LCLAT1: variants seen among roughly 807,000 people sequenced by gnomAD.
LCLAT1 encodes lysocardiolipin acyltransferase 1.
In LCLAT1, 11 loss-of-function variants were observed where a neutral mutation model predicts 30.7. That is an observed-to-expected ratio of 0.36 (90% CI 0.23 to 0.59). The LOEUF is 0.59. LCLAT1 is among the 20% of genes least tolerant of loss of function. The probability of loss-of-function intolerance (pLI) is 0.77; values close to 1 mark genes in which losing one functional copy is unlikely to be tolerated. For synonymous variants in LCLAT1, 155 were observed against 151.3 expected (o/e 1.02, Z -0.18); for missense variants, 402 against 458.6 (o/e 0.88, Z 1.13).
chr2:30,611,809 G>A (rs188199838), intron 5 of LCLAT1, among the ~76,000 whole-genome samples: 2 of 152,260 alleles, frequency 1.3e-5, no homozygotes, highest in Admixed American at 1.3e-4. Context: ...GGAGGATGAC[G>A]CAGAACTCAA....
chr2:30,568,183 A>G lies in LCLAT1; in HGVS notation c.628+7A>G. On this transcript the variant is annotated splice_region_variant and intron_variant, in intron 5 of 5. Transcript: ENST00000379509. ...GTAGACCGTCTAAGAGAAGGTAAGC[A>G]CCCATTTCAAAATGTACTTTTTAAT... 6.8e-7 allele frequency: 1 copy of G among 1,472,814 alleles called. No individual in the cohort carries two copies. Among genetic ancestry groups the G allele is most frequent in the Non-Finnish European group, 9.3e-7 (1 of 1,072,692 alleles). The allele number at this position is 1,472,814 out of a possible 1,614,324, so 91.2% of individuals were successfully genotyped here. A position where few individuals can be genotyped will look rare whatever the true frequency, so the allele number is the denominator to read the frequency against.
chr2:30,628,736 G>C (rs1668631599), intron 5 of LCLAT1, among the ~76,000 whole-genome samples: 1 of 152,080 alleles, frequency 6.6e-6, no homozygotes, highest in Admixed American at 6.5e-5. Flanking sequence ...GAGTTGTTTT[G>C]CTTGAAAAAC....
intron 5 of LCLAT1, chr2:30,607,195 C>T (rs1319953542): frequency 6.6e-6 from 1 of 152,064 alleles, no homozygotes; most frequent in African/African-American, 2.4e-5. Flanking sequence ...ACTACCACGC[C>T]CGGCTAATTT....
intron 5 of LCLAT1, among the ~76,000 whole-genome samples, chr2:30,628,784 G>A (rs1440675539): frequency 6.6e-6 from 1 of 152,068 alleles, no homozygotes; most frequent in Non-Finnish European, 1.5e-5. Flanking sequence ...TGGATTATAA[G>A]GCTAAAAGAA....
chr2:30,468,378 G>A (rs1224131744), intron 1 of LCLAT1, among the ~76,000 whole-genome samples: 5 of 152,196 alleles, frequency 3.3e-5, no homozygotes, highest in Non-Finnish European at 5.9e-5. Flanking sequence ...GTCAGGTAGT[G>A]TGATGCCTCC....
At chr2:30,618,252 T>C in intron 5 of LCLAT1, among the ~76,000 whole-genome samples, 1 of 152,162 alleles carries the variant, frequency 6.6e-6, no homozygotes, top group South Asian at 2.1e-4. Context: ...TTCTAGTTCC[T>C]TTGCACATCT....
chr2:30,481,459 T>C (rs1683316874), intron 1 of LCLAT1, among the ~76,000 whole-genome samples: 1 of 143,360 alleles, frequency 7.0e-6, no homozygotes, highest in African/African-American at 2.5e-5. Flanking sequence ...AGAGGTCTGG[T>C]AGAGGAGGGG....
chr2:30,496,049 T>C lies in LCLAT1; in HGVS notation c.-4-29538T>C, dbSNP rs151318694. On this transcript the variant is annotated intron_variant, in intron 1 of 5. Coordinates refer to ENST00000379509, the MANE Select transcript of LCLAT1 (RefSeq NM_001002257.3). ...TGGGGAGGCCTCAGGAAACTTATAA[T>C]GGTGGCAGAAGGCAAAGGGGAAGCT... Among the ~76,000 whole-genome samples, 42 of 152,154 alleles carry C rather than the reference T, an allele frequency of 2.8e-4. No individual in the cohort carries two copies. The East Asian group carries it at 7.9e-3, about 29-fold the overall frequency.
At chr2:30,638,328 T>G (rs966905772) in intron 5 of LCLAT1, among the ~76,000 whole-genome samples, 5 of 152,232 alleles carry the variant, frequency 3.3e-5, no homozygotes, top group African/African-American at 7.2e-5. Context: ...GTGCATGTCT[T>G]AAATGTGCAA....
At chr2:30,565,561 A>G (rs892154248) in intron 4 of LCLAT1, among the ~76,000 whole-genome samples, 1 of 152,194 alleles carries the variant, frequency 6.6e-6, no homozygotes, top group Non-Finnish European at 1.5e-5. Context: ...TTTGAGTTCC[A>G]TTTCCCTGAT....
At chr2:30,462,838 AT>A (rs1682230599) in intron 1 of LCLAT1, among the ~76,000 whole-genome samples, 1 of 152,234 alleles carries the variant, frequency 6.6e-6, no homozygotes, top group South Asian at 2.1e-4. Context: ...GAACATGAGA[AT>A]AAACATATTC....
intron 1 of LCLAT1, among the ~76,000 whole-genome samples, chr2:30,524,696 C>T (rs1050778535): frequency 6.6e-6 from 1 of 152,172 alleles, no homozygotes; most frequent in African/African-American, 2.4e-5. Flanking sequence ...TTTCGGTGAT[C>T]AGATTGACTG....
At chr2:30,454,762 A>G (rs1351267915) in intron 1 of LCLAT1, among the ~76,000 whole-genome samples, 2 of 152,014 alleles carry the variant, frequency 1.3e-5, no homozygotes, top group Admixed American at 1.3e-4. Flanking sequence ...GGTTGTTTAC[A>G]TTTTTAACAT....
intron 5 of LCLAT1, among the ~76,000 whole-genome samples, chr2:30,620,828 C>T (rs1286861211): frequency 6.6e-6 from 1 of 152,116 alleles, no homozygotes; most frequent in African/African-American, 2.4e-5. Flanking sequence ...AATTAAGATG[C>T]TGACAGGTCC....
chr2:30,597,421 C>A (rs953528963), intron 5 of LCLAT1, among the ~76,000 whole-genome samples: 1 of 152,116 alleles, frequency 6.6e-6, no homozygotes, highest in Non-Finnish European at 1.5e-5. Context: ...AATGGGAATT[C>A]ATTTATGATT....
intron 1 of LCLAT1, among the ~76,000 whole-genome samples, chr2:30,522,181 A>G (rs929781869): frequency 3.9e-5 from 6 of 152,292 alleles, no homozygotes; most frequent in South Asian, 2.1e-4. Context: ...TTTTGTGTGA[A>G]TATACATTTT....
intron 5 of LCLAT1, among the ~76,000 whole-genome samples, chr2:30,578,886 C>T (rs1666101513): frequency 6.6e-6 from 1 of 152,064 alleles, no homozygotes; most frequent in Non-Finnish European, 1.5e-5. Context: ...ACAACAAGTT[C>T]ATAATGTTAA....
intron 3 of LCLAT1, among the ~76,000 whole-genome samples, chr2:30,549,860 T>C (rs952216004): frequency 6.6e-6 from 1 of 152,198 alleles, no homozygotes; most frequent in Non-Finnish European, 1.5e-5. Flanking sequence ...TTACAGAAAA[T>C]ATTTTCCTTA....
rs79771967 is a variant in LCLAT1, at chr2:30,572,998, A to G, written c.628+4822A>G. Reference sequence around the variant, plus strand: ...TTCTTTCTTTTTGCCATCAAATTGCAGAAGTAGCTTGATGACTTGATTTTT... The same window carrying G: ...TTCTTTCTTTTTGCCATCAAATTGCGGAAGTAGCTTGATGACTTGATTTTT... On this transcript the variant is annotated intron_variant, in intron 5 of 5. Transcript: ENST00000379509. Among the ~76,000 whole-genome samples the G allele has an allele frequency of 6.6e-3, 1,007 of 152,346 alleles. 10 individuals are homozygous for G. The highest frequency in any genetic ancestry group is 0.023 in the African/African-American group (956 of 41,590).
Sources: allele counts gnomAD v4.1 joint callset (sites outside exome capture counted in the v4.1 genomes callset), GRCh38; gene constraint gnomAD v4.1.1; transcripts MANE v1.5; gene names NCBI Gene and HGNC (gene_info 2026-07-23, HGNC 2026-07-21).